The following NKAIN2 variants were observed in gnomAD, a reference collection of about 807,000 sequenced individuals.
NKAIN2 encodes sodium/potassium transporting ATPase interacting 2, also known as sodium/potassium-transporting ATPase subunit beta-1-interacting protein 2.
NKAIN2 carries 14 observed loss-of-function variants against 32.6 expected under a neutral mutation model. The ratio of observed to expected loss-of-function variants is 0.43; its 90% confidence interval spans 0.28 to 0.67. The LOEUF (loss-of-function observed/expected upper bound fraction) is 0.67. Ranked by LOEUF, NKAIN2 falls within the 30% of genes least tolerant of loss-of-function variation. NKAIN2 has a pLI of 0.17. For missense variants in NKAIN2, 198 were observed against 258.3 expected (o/e 0.77, Z 1.60); for synonymous variants, 80 against 87.2 (o/e 0.92, Z 0.46).
intron 2 of NKAIN2, among the ~76,000 whole-genome samples, chr6:124,334,075 T>G (rs1444662593): frequency 6.6e-6 from 1 of 152,372 alleles, no homozygotes; most frequent in Admixed American, 6.5e-5. Flanking sequence ...TTCCGTCTTA[T>G]GTGGTATGCA....
chr6:124,646,820 G>A (rs1784186783), intron 3 of NKAIN2, among the ~76,000 whole-genome samples: 1 of 152,030 alleles, frequency 6.6e-6, no homozygotes, highest in Admixed American at 6.6e-5. Flanking sequence ...GTGTGGTGGT[G>A]CATGCCTGTA....
intron 2 of NKAIN2, among the ~76,000 whole-genome samples, chr6:124,305,830 C>A (rs1796486252): frequency 6.6e-6 from 1 of 152,112 alleles, no homozygotes; most frequent in African/African-American, 2.4e-5. Flanking sequence ...ACCTCCTGGC[C>A]CTGCTGCTGC....
chr6:124,053,229 G>A (rs1168271079), intron 1 of NKAIN2, among the ~76,000 whole-genome samples: 2 of 151,904 alleles, frequency 1.3e-5, no homozygotes, highest in Non-Finnish European at 2.9e-5. Context: ...TATTTTTCCT[G>A]ATCCTCTCTT....
chr6:124,465,702 G>C (rs1338288053), intron 3 of NKAIN2, among the ~76,000 whole-genome samples: 1 of 150,624 alleles, frequency 6.6e-6, no homozygotes, highest in African/African-American at 2.4e-5. Flanking sequence ...TTGTGCTATA[G>C]AAACTACATG....
chr6:123,887,186 T>TAGA (rs35092859), intron 1 of NKAIN2, among the ~76,000 whole-genome samples: 54,907 of 151,654 alleles, frequency 0.36, 10,541 homozygotes, highest in East Asian at 0.6. Flanking sequence ...AGTGGGCACT[T>TAGA]AGAAGAAGAA....
chr6:124,170,336 C>T (rs536899163), intron 1 of NKAIN2, among the ~76,000 whole-genome samples: 135 of 152,244 alleles, frequency 8.9e-4, no homozygotes, highest in African/African-American at 3.2e-3. Context: ...GCATATTGTA[C>T]GTATTCCAGA....
intron 3 of NKAIN2, among the ~76,000 whole-genome samples, chr6:124,471,828 A>G (rs1408168638): frequency 1.3e-5 from 2 of 152,190 alleles, no homozygotes; most frequent in South Asian, 2.1e-4. Context: ...CATTAATTGT[A>G]TAAGTTAATG....
At chr6:124,612,826 A>G (rs1782742485) in intron 3 of NKAIN2, among the ~76,000 whole-genome samples, 1 of 152,180 alleles carries the variant, frequency 6.6e-6, no homozygotes, top group Non-Finnish European at 1.5e-5. Flanking sequence ...ATGTATCCTT[A>G]TATGATATAT....
intron 1 of NKAIN2, among the ~76,000 whole-genome samples, chr6:124,084,507 A>T (rs895016228): frequency 6.6e-6 from 1 of 151,944 alleles, no homozygotes; most frequent in Admixed American, 6.6e-5. Context: ...TCACCTAACC[A>T]TGTATTTCTC....
chr6:124,035,492 C>T (rs1290034328), intron 1 of NKAIN2, among the ~76,000 whole-genome samples: 1 of 152,112 alleles, frequency 6.6e-6, no homozygotes, highest in Non-Finnish European at 1.5e-5. Flanking sequence ...CAGCTAATCT[C>T]CTGTAGTTTC....
chr6:124,774,974 A>T (rs1002373932), intron 4 of NKAIN2, among the ~76,000 whole-genome samples: 1 of 152,100 alleles, frequency 6.6e-6, no homozygotes, highest in Non-Finnish European at 1.5e-5. Context: ...TGATGATTTT[A>T]AAAAAATAAA....
intron 4 of NKAIN2, among the ~76,000 whole-genome samples, chr6:124,786,187 AGTCTGG>A (rs1259900061): frequency 1.3e-5 from 2 of 152,046 alleles, no homozygotes; most frequent in Non-Finnish European, 2.9e-5. Flanking sequence ...GCTCCAAGTA[AGTCTGG>A]TGTATATGAA....
chr6:124,087,133 TA>T (rs1251054616), intron 1 of NKAIN2, among the ~76,000 whole-genome samples: 1 of 151,930 alleles, frequency 6.6e-6, no homozygotes, highest in Non-Finnish European at 1.5e-5. Context: ...AAAAATCAAT[TA>T]ATGTAAACCT....
At chr6:124,086,905 T>C (rs1260936359) in intron 1 of NKAIN2, among the ~76,000 whole-genome samples, 1 of 151,820 alleles carries the variant, frequency 6.6e-6, no homozygotes, top group Non-Finnish European at 1.5e-5. Context: ...GCAGAGAGAA[T>C]ACTTCTCAAG....
At position 124,658,261 on chromosome 6, in the gene NKAIN2, G is replaced by A; in HGVS notation, c.349G>A (p.Val117Met). ...GATGGAGAATGGACCAGGATGTACG[G>A]TGACGTCAGTGACACCTGCCCCAGA... The part of the protein sequence containing the change: ...WWMENGPGCT[V>M]TSVTPAPDWA... The change falls in exon 4 of 7, where the codon GTG becomes ATG. Residue 117 changes from valine (V) to methionine (M), a missense_variant. Physicochemically the swap from Val to Met is conservative, Grantham distance 21. Coordinates refer to ENST00000368417, the MANE Select transcript of NKAIN2 (RefSeq NM_001040214.3). 1 of 1,614,028 alleles carries A rather than the reference G, an allele frequency of 6.2e-7. No homozygotes were observed. Among genetic ancestry groups the A allele is most frequent in the Non-Finnish European group, 8.5e-7 (1 of 1,179,952 alleles).
chr6:124,148,223 A>G (rs1787518675), intron 1 of NKAIN2, among the ~76,000 whole-genome samples: 1 of 152,116 alleles, frequency 6.6e-6, no homozygotes, highest in Non-Finnish European at 1.5e-5. Flanking sequence ...TGTGATTACT[A>G]TTTTAACATT....
intron 3 of NKAIN2, among the ~76,000 whole-genome samples, chr6:124,560,610 C>T (rs189166492): frequency 6.6e-4 from 100 of 152,280 alleles, no homozygotes; most frequent in Admixed American, 1.8e-3. Flanking sequence ...ATGAATACAA[C>T]GATGAGGCTA....
chr6:123,920,542 A>C (rs1775703809), intron 1 of NKAIN2, among the ~76,000 whole-genome samples: 1 of 152,116 alleles, frequency 6.6e-6, no homozygotes. Flanking sequence ...AGAATGATAA[A>C]TGTCAGGTCT....
At chr6:124,028,899 A>AG in intron 1 of NKAIN2, among the ~76,000 whole-genome samples, 1 of 81,340 alleles carries the variant, frequency 1.2e-5, no homozygotes, top group African/African-American at 1.0e-4. Context: ...ATATATATAT[A>AG]TATACACATA....
Sources: allele counts gnomAD v4.1 joint callset (sites outside exome capture counted in the v4.1 genomes callset), GRCh38; gene constraint gnomAD v4.1.1; transcripts MANE v1.5; gene names NCBI Gene and HGNC (gene_info 2026-07-23, HGNC 2026-07-21).